PANK4: variants seen among roughly 807,000 people sequenced by gnomAD.
The protein encoded by PANK4 is pantothenate kinase 4 (inactive).
A neutral mutation model predicts 87.9 loss-of-function variants in PANK4; 40 were observed. That is an observed-to-expected ratio of 0.46 (90% CI 0.35 to 0.59). The LOEUF is 0.59. Among genes scored for constraint, PANK4 ranks in the 20% least tolerant of loss-of-function variants. The pLI is 0.00. For synonymous variants in PANK4, 524 were observed against 467.4 expected (o/e 1.12, Z -1.56); for missense variants, 926 against 1,072.3 (o/e 0.86, Z 1.90).
At position 2,521,776 on chromosome 1, in the gene PANK4, T is replaced by C; in HGVS notation, c.149A>G (p.Tyr50Cys). The change falls in exon 2 of 19, where the codon TAC becomes TGC. Residue 50 changes from tyrosine (Y) to cysteine (C), a missense_variant. Transcript: ENST00000378466. ...DIGGSLTKLA[Y>C]YSTVQHKVAK... ...GACTTTGTGCTGTACCGTTGAATAGTAGGCCAGCTTGGTTAACGACCCGCC... is the reference window on the plus strand; with the variant it reads ...GACTTTGTGCTGTACCGTTGAATAGCAGGCCAGCTTGGTTAACGACCCGCC... 3 of 1,613,974 alleles carry C rather than the reference T, an allele frequency of 1.9e-6. No individual in the cohort carries two copies. The highest frequency in any genetic ancestry group is 2.5e-6 in the Non-Finnish European group (3 of 1,179,972).
At position 2,520,382 on chromosome 1, in the gene PANK4, G is replaced by A; in HGVS notation, c.639C>T (p.Gly213=). Residue 213 remains glycine (G), a synonymous_variant, in exon 5 of 19, where the codon GGC becomes GGT. Transcript: ENST00000378466. The surrounding 1 kb of genome is among the most constrained non-coding windows in gnomAD (Gnocchi z 6.2). ...VETEDRFEWV[G]GSSIGGGTFW... is the part of the protein sequence containing the mutation. ...AGGTGCCGCCTCCAATGGAGCTGCC[G>A]CCGACCCACTCGAACCTGTCCTCCG... 1.9e-6 allele frequency: 3 copies of A among 1,612,882 alleles called. No individual in the cohort carries two copies. The highest frequency in any genetic ancestry group is 1.1e-5 in the South Asian group (1 of 91,074).
In PANK4 at chr1:2,509,456, C is replaced by T. The variant is rs1222379431; in HGVS notation, c.2109-396G>A. ...ATTTAAGGGGTTCCTTCCTCCTCTG[C>T]AATCAGGAGGACAGACAGCACCACA... On this transcript the variant is annotated intron_variant, in intron 18 of 18. Coordinates refer to ENST00000378466, the MANE Select transcript of PANK4 (RefSeq NM_018216.4). This position sits in a 1 kb window ranked among gnomAD's most constrained non-coding sequence, Gnocchi z 4.9. Among the ~76,000 whole-genome samples the T allele has an allele frequency of 6.6e-6, 1 of 152,206 alleles. No individual in the cohort carries two copies. Among genetic ancestry groups the T allele is most frequent in the African/African-American group, 2.4e-5 (1 of 41,438 alleles).
intron 9 of PANK4, 142 bp downstream of exon 9, chr1:2,518,022 C>T (rs1228757679): frequency 1.1e-5 from 6 of 555,142 alleles, no homozygotes; most frequent in Admixed American, 3.5e-5. Context: ...TAGTTATACC[C>T]CAGGTCCATG....
In PANK4 at chr1:2,511,448, G is replaced by T. The variant is rs746343457; in HGVS notation, c.1784-61C>A. 3.9e-6 allele frequency: 5 copies of T among 1,298,170 alleles called. No homozygotes were observed. The African/African-American group carries it at 5.8e-5, about 15-fold the overall frequency. The allele number at this position is 1,298,170 out of a possible 1,614,324, so 80.4% of individuals were successfully genotyped here. A position where few individuals can be genotyped will look rare whatever the true frequency, so the allele number is the denominator to read the frequency against. On this transcript the variant is annotated intron_variant, in intron 14 of 18. Coordinates refer to ENST00000378466, the MANE Select transcript of PANK4 (RefSeq NM_018216.4). The stretch of plus-strand genomic sequence containing the variant: ...GCTCCAGGTCAGGGGTCAGGGAGAC[G>T]CGTCTTCAGGTGTTCGTCTCTCCAG...
At position 2,518,268 on chromosome 1, in the gene PANK4, G is replaced by A; in HGVS notation, c.1118-4C>T. On this transcript the variant is annotated splice_region_variant and splice_polypyrimidine_tract_variant and intron_variant, in intron 8 of 18. Coordinates refer to ENST00000378466, the MANE Select transcript of PANK4 (RefSeq NM_018216.4). Reference sequence around the variant, plus strand: ...CCCCAGCTGTACTGGTTAGGATCTGGAAAGCAAGAAGCCAGGTCACTTGTG... The same window carrying A: ...CCCCAGCTGTACTGGTTAGGATCTGAAAAGCAAGAAGCCAGGTCACTTGTG... 6.2e-7 allele frequency: 1 copy of A among 1,603,316 alleles called. No individual in the cohort carries two copies. Among genetic ancestry groups the A allele is most frequent in the East Asian group, 2.2e-5 (1 of 44,838 alleles).
At position 2,521,186 on chromosome 1, in the gene PANK4, C is replaced by A; in HGVS notation, c.337G>T (p.Val113Phe). 1.2e-6 allele frequency: 2 copies of A among 1,613,980 alleles called. No individual in the cohort carries two copies. The highest frequency in any genetic ancestry group is 1.7e-5 in the Admixed American group (1 of 60,032). ...ACLDFIKDHL[V>F]NTETKVIQAT... is the part of the protein sequence containing the mutation. Reference sequence around the variant, plus strand: ...TGGATGACCTTGGTCTCTGTGTTGACGAGATGGTCTTTGATGAAGTCCAGG... The same window carrying A: ...TGGATGACCTTGGTCTCTGTGTTGAAGAGATGGTCTTTGATGAAGTCCAGG... The change falls in exon 3 of 19, where the codon GTC (valine) becomes TTC (phenylalanine). Residue 113 changes from valine (V) to phenylalanine (F), a missense_variant. By Grantham distance (50) the Val-to-Phe change is conservative (BLOSUM62 -1). Transcript: ENST00000378466.
rs1476894647 is a variant in PANK4, at chr1:2,521,243, T to C, written c.280A>G (p.Ile94Val). 2.5e-6 allele frequency: 4 copies of C among 1,613,838 alleles called. No homozygotes were observed. The highest frequency in any genetic ancestry group is 2.2e-5 in the East Asian group (1 of 44,898). Residue 94 changes from isoleucine (I) to valine (V), a missense_variant, in exon 3 of 19, where the codon ATT (isoleucine) becomes GTT (valine). Physicochemically the swap from Ile to Val is conservative, Grantham distance 29 (BLOSUM62 3). Transcript: ENST00000378466. ...QEEITARLHF[I>V]KFENTYIEAC... The stretch of plus-strand genomic sequence containing the variant: ...TCGATGTAGGTATTCTCAAACTTAA[T>C]GAAGTGCAGTCGAGCAGTGATCTCT...
chr1:2,512,290 C>G (rs1332770884), intron 13 of PANK4: 1 of 154,356 alleles, frequency 6.5e-6, no homozygotes, highest in Non-Finnish European at 1.4e-5. Flanking sequence ...CGAGTGGGAC[C>G]CAGGGAGGGC....
intron 8 of PANK4, 48 bp from the exon 9 acceptor site, chr1:2,518,312 C>T: frequency 7.4e-7 from 1 of 1,360,082 alleles, no homozygotes; most frequent in Non-Finnish European, 1.0e-6. Context: ...GCCCTTGATT[C>T]AAAAGCAGGA....
intron 7 of PANK4, 132 bp from the exon 8 acceptor site, chr1:2,518,729 C>T (rs1471948900): frequency 1.4e-6 from 1 of 738,794 alleles, no homozygotes; most frequent in Non-Finnish European, 2.3e-6. Flanking sequence ...GCACCCACGG[C>T]ATACTTGCCA....
chr1:2,525,221 A>T (rs1643910160), intron 1 of PANK4, among the ~76,000 whole-genome samples: 1 of 152,192 alleles, frequency 6.6e-6, no homozygotes, highest in Non-Finnish European at 1.5e-5. Flanking sequence ...CACACAGCTC[A>T]GAGGGAATGG....
rs879828280 is a variant in PANK4, at chr1:2,515,261, A to G, written c.1374+301T>C. The stretch of plus-strand genomic sequence containing the variant: ...GCCTCCCGCACCTCAGTCACACCTC[A>G]AAAGAGCAGAGACGTCTCCTAAATT... On this transcript the variant is annotated intron_variant, in intron 10 of 18. Transcript: ENST00000378466. This position sits in a 1 kb window ranked among gnomAD's most constrained non-coding sequence, Gnocchi z 5.0. 4.2e-5 allele frequency: 24 copies of G among 577,934 alleles called. No homozygotes were observed. Among genetic ancestry groups the G allele is most frequent in the African/African-American group, 1.1e-4 (6 of 54,536 alleles). The allele number at this position is 577,934 out of a possible 1,614,324, so 35.8% of individuals were successfully genotyped here.
intron 13 of PANK4, among the ~76,000 whole-genome samples, chr1:2,511,949 T>C (rs1029140860): frequency 6.6e-6 from 1 of 152,048 alleles, no homozygotes; most frequent in African/African-American, 2.4e-5. Context: ...AGACCCCAAA[T>C]CACTCCCAGG....
In PANK4 at chr1:2,510,843, A is replaced by G. The variant is rs1643648252; in HGVS notation, c.1834-61T>C. 5 of 972,674 alleles carry G rather than the reference A, an allele frequency of 5.1e-6. No homozygotes were observed. In the South Asian group the frequency reaches 6.4e-5, roughly 13 times the overall value. 60.3% of individuals were successfully genotyped at this position (972,674 alleles called of 1,614,324 possible). ...GGCGCATCCAAGCGAGTCAGTCCGC[A>G]CCCCTGCTGCCCGTCACGCTGCCCT... On this transcript the variant is annotated intron_variant, in intron 15 of 18. Transcript: ENST00000378466. The surrounding 1 kb of genome is among the most constrained non-coding windows in gnomAD (Gnocchi z 4.9).
Position 2,509,922 on chromosome 1 carries a change from A to T in PANK4, c.2048T>A (p.Leu683His). 1 of 1,611,910 alleles carries T rather than the reference A, an allele frequency of 6.2e-7. No homozygotes were observed. The highest frequency in any genetic ancestry group is 8.5e-7 in the Non-Finnish European group (1 of 1,179,696). ...AGMDPVVHSA[L>H]QEERLLLVQT... Reference sequence around the variant, plus strand: ...CACCAGCAGCAGCCTCTCTTCCTGGAGCGCAGAGCTGCCAGATACAAGGTG... The same window carrying T: ...CACCAGCAGCAGCCTCTCTTCCTGGTGCGCAGAGCTGCCAGATACAAGGTG... Residue 683 changes from leucine to histidine, a missense_variant, in exon 18 of 19, where the codon CTC (leucine) becomes CAC (histidine). Physicochemically the swap from Leu to His is moderately conservative, Grantham distance 99. Coordinates refer to ENST00000378466, the MANE Select transcript of PANK4 (RefSeq NM_018216.4). This position sits in a 1 kb window ranked among gnomAD's most constrained non-coding sequence, Gnocchi z 4.9.
At chr1:2,514,137 C>T (rs2494610) in intron 11 of PANK4, 48 bp from the exon 12 acceptor site, 33,825 of 1,472,550 alleles carry the variant, frequency 0.023, 1,332 homozygotes, top group African/African-American at 0.17. Flanking sequence ...GGCCGAACAC[C>T]CGCCCGTCTG....
At position 2,519,975 on chromosome 1, in the gene PANK4, G is replaced by A. The variant is rs760732466; in HGVS notation, c.700-21C>T. ...AACTTCTGCAGGACACGGCGAGGGG[G>A]CGGGTGAGGCGCCAGGAGCTGCTGG... is the stretch of plus-strand genomic sequence containing the variant. On this transcript the variant is annotated intron_variant, in intron 5 of 18. Coordinates refer to ENST00000378466, the MANE Select transcript of PANK4 (RefSeq NM_018216.4). This position sits in a 1 kb window ranked among gnomAD's most constrained non-coding sequence, Gnocchi z 8.3. 1.3e-4 allele frequency: 196 copies of A among 1,530,616 alleles called. No individual in the cohort carries two copies. The Middle Eastern group carries it at 1.4e-3, about 11-fold the overall frequency. 94.8% of individuals were successfully genotyped at this position (1,530,616 alleles called of 1,614,324 possible).
Position 2,521,487 on chromosome 1 carries a change from C to T in PANK4, c.208-172G>A, listed in dbSNP as rs556690781. On this transcript the variant is annotated intron_variant, in intron 2 of 18. Transcript: ENST00000378466. Reference sequence around the variant, plus strand: ...GCCTAGGACCGTGGCGACCTCAGGGCCACCCAGCAGGAGCGGAAGCCTCTC... The same window carrying T: ...GCCTAGGACCGTGGCGACCTCAGGGTCACCCAGCAGGAGCGGAAGCCTCTC... 7.4e-5 allele frequency: 52 copies of T among 699,002 alleles called. No homozygotes were observed. The African/African-American group carries it at 8.4e-4, about 11-fold the overall frequency. The allele number at this position is 699,002 out of a possible 1,614,324, so 43.3% of individuals were successfully genotyped here. A position where few individuals can be genotyped will look rare whatever the true frequency, so the allele number is the denominator to read the frequency against.
At chr1:2,517,794 G>A (rs1327871115) in intron 9 of PANK4, among the ~76,000 whole-genome samples, 2 of 152,248 alleles carry the variant, frequency 1.3e-5, no homozygotes, top group Non-Finnish European at 2.9e-5. Flanking sequence ...CCTAGGCAGG[G>A]CCCTGGGTGG....
Sources: allele counts gnomAD v4.1 joint callset (sites outside exome capture counted in the v4.1 genomes callset), GRCh38; gene constraint gnomAD v4.1.1; non-coding constraint Gnocchi (gnomAD v3.1); transcripts MANE v1.5; gene names NCBI Gene and HGNC (gene_info 2026-07-23, HGNC 2026-07-21).